CRYGN: variants seen among roughly 807,000 people sequenced by gnomAD.
CRYGN encodes the protein gamma-crystallin N.
CRYGN carries 17 observed loss-of-function variants against 19.2 expected under a neutral mutation model. The ratio of observed to expected loss-of-function variants is 0.89; its 90% CI spans 0.61 to 1.33. CRYGN has a LOEUF of 1.33. Among genes scored for constraint, CRYGN ranks in the 40% most tolerant of loss-of-function variants. The probability of loss-of-function intolerance (pLI) is 0.00; values close to 1 mark genes in which losing one functional copy is unlikely to be tolerated. For missense variants in CRYGN, 239 were observed against 239.6 expected, an observed-to-expected ratio of 1.00 and a Z score of 0.02; for synonymous variants, 84 against 85.8, an observed-to-expected ratio of 0.98 and a Z score of 0.12.
Position 151,439,908 on chromosome 7 carries a change from G to T in CRYGN, c.10C>A (p.Arg4Ser). 1 of 1,551,634 alleles carries T rather than the reference G, an allele frequency of 6.4e-7. No individual in the cohort carries two copies. The highest frequency in any genetic ancestry group is 8.7e-7 in the Non-Finnish European group (1 of 1,150,276). The stretch of plus-strand genomic sequence containing the variant: ...AGGGACGCACTCACCTTCCCCGAGC[G>T]CTGCGCCATGGTGCGCCCCGCCCCT... MAQRSGKITLYEGK... is the reference protein window; with the variant it reads MAQSSGKITLYEGK... Residue 4 changes from arginine (R) to serine (S), a missense_variant, in exon 1 of 4, where the codon CGC becomes AGC. Physicochemically the swap from Arg to Ser is moderately radical, Grantham distance 110 (BLOSUM62 -1). Coordinates refer to ENST00000337323, the MANE Select transcript of CRYGN (RefSeq NM_144727.3).
intron 2 of CRYGN, 198 bp downstream of exon 2, chr7:151,437,798 T>A (rs1281374656): frequency 1.4e-6 from 2 of 1,451,522 alleles, no homozygotes; most frequent in Non-Finnish European, 1.8e-6. Flanking sequence ...TCAGGGCCAC[T>A]CCCACTCAGT....
At chr7:151,439,772 A>T in intron 1 of CRYGN, 125 bp downstream of exon 1, 1 of 1,084,190 alleles carries the variant, frequency 9.2e-7, no homozygotes. Flanking sequence ...CCATTTTATT[A>T]AGAAATTAAA....
Position 151,436,360 on chromosome 7 carries a change from G to T in CRYGN, c.271-35C>A. ...CAAGCAAAAAAGAAGGAAAGAAGGA[G>T]GTTGCTGTGAATTCCCCTCTCCCAG... is the stretch of plus-strand genomic sequence containing the variant. On this transcript the variant is annotated intron_variant, in intron 2 of 3. Transcript: ENST00000337323. This position sits in a 1 kb window ranked among gnomAD's most constrained non-coding sequence, Gnocchi z 5.1. 7.2e-7 allele frequency: 1 copy of T among 1,397,378 alleles called. No homozygotes were observed. The allele number at this position is 1,397,378 out of a possible 1,614,324, so 86.6% of individuals were successfully genotyped here. A position where few individuals can be genotyped will look rare whatever the true frequency, so the allele number is the denominator to read the frequency against.
In CRYGN at chr7:151,439,986, C is replaced by G. The variant is rs745387478; in HGVS notation, c.-69G>C. ...GCGCCCTGCTGGCTCAGCGCCGCCC[C>G]GGACAAAAGATTTGCTGGGCCGGCC... On this transcript the variant is annotated 5_prime_UTR_variant, in exon 1 of 4. Transcript: ENST00000337323. 4.1e-5 allele frequency: 60 copies of G among 1,446,816 alleles called. No homozygotes were observed. Among genetic ancestry groups the G allele is most frequent in the Non-Finnish European group, 5.1e-5 (56 of 1,096,178 alleles). The allele number at this position is 1,446,816 out of a possible 1,614,324, so 89.6% of individuals were successfully genotyped here.
chr7:151,432,379 C>T (rs1584822445), intron 3 of CRYGN: 2 of 704,212 alleles, frequency 2.8e-6, no homozygotes, highest in Admixed American at 4.3e-5. Context: ...CCAGCAACCC[C>T]TCCCGGTCGA....
chr7:151,433,919 C>T lies in CRYGN; in HGVS notation c.416+2261G>A, dbSNP rs527911463. ...CAGGTGAGGGTAGGTGGAGGCAGAACGCCAGTGCATTTCCCTCCGAGAGCC... is the reference window on the plus strand; with the variant it reads ...CAGGTGAGGGTAGGTGGAGGCAGAATGCCAGTGCATTTCCCTCCGAGAGCC... On this transcript the variant is annotated intron_variant, in intron 3 of 3. Coordinates refer to ENST00000337323, the MANE Select transcript of CRYGN (RefSeq NM_144727.3). The surrounding 1 kb of genome is among the most constrained non-coding windows in gnomAD (Gnocchi z 5.1). Among the ~76,000 whole-genome samples, 34 of 152,218 alleles carry T rather than the reference C, an allele frequency of 2.2e-4. No individual in the cohort carries two copies. The highest frequency in any genetic ancestry group is 6.5e-4 in the African/African-American group (27 of 41,540).
At position 151,437,991 on chromosome 7, in the gene CRYGN, C is replaced by G. The variant is rs990678007; in HGVS notation, c.270+5G>C. 1.9e-6 allele frequency: 3 copies of G among 1,612,478 alleles called. No individual in the cohort carries two copies. In the Admixed American group the frequency reaches 5.0e-5, roughly 27 times the overall value. On this transcript the variant is annotated splice_donor_5th_base_variant and intron_variant, in intron 2 of 3. Transcript: ENST00000337323. ...ACTCAGCCTTCGGTGGACGGGCCCA[C>G]TCACCATTCCTACAGGCCGACAGGA...
rs1297681225 is a variant in CRYGN, at chr7:151,436,580, A to T, written c.271-255T>A. Among the ~76,000 whole-genome samples, 1 of 152,148 alleles carries T rather than the reference A, an allele frequency of 6.6e-6. No individual in the cohort carries two copies. The highest frequency in any genetic ancestry group is 6.5e-5 in the Admixed American group (1 of 15,282). Reference sequence around the variant, plus strand: ...CCTCTTTCTACAACTAGAAAATCTGAGGTCCAAAGAGGGCCAAACTGACCA... The same window carrying T: ...CCTCTTTCTACAACTAGAAAATCTGTGGTCCAAAGAGGGCCAAACTGACCA... On this transcript the variant is annotated intron_variant, in intron 2 of 3. Transcript: ENST00000337323. The surrounding 1 kb of genome is among the most constrained non-coding windows in gnomAD (Gnocchi z 5.1).
Position 151,433,264 on chromosome 7 carries a change from C to T in CRYGN, c.416+2916G>A, listed in dbSNP as rs988157743. Among the ~76,000 whole-genome samples, 2 of 152,208 alleles carry T rather than the reference C, an allele frequency of 1.3e-5. No homozygotes were observed. Among genetic ancestry groups the T allele is most frequent in the South Asian group, 2.1e-4 (1 of 4,826 alleles). On this transcript the variant is annotated intron_variant, in intron 3 of 3. Transcript: ENST00000337323. The surrounding 1 kb of genome is among the most constrained non-coding windows in gnomAD (Gnocchi z 5.1). The stretch of plus-strand genomic sequence containing the variant: ...TTCATCACCCAGGAAGCTGTGGGCC[C>T]GGCCCAGAAAAGCAGGAAGGTGCGG...
intron 3 of CRYGN, among the ~76,000 whole-genome samples, chr7:151,434,506 A>G (rs2150907163): frequency 6.6e-6 from 1 of 152,340 alleles, no homozygotes; most frequent in East Asian, 1.9e-4. Flanking sequence ...GGAGCCAGCT[A>G]GAGTGACAGA....
rs571388642 is a variant in CRYGN, at chr7:151,435,172, G to A, written c.416+1008C>T. ...GGCCTTGAACCTCTGTAGTATAGAC[G>A]GCAAATTGTTCCTCAATTGCTTCGA... On this transcript the variant is annotated intron_variant, in intron 3 of 3. Transcript: ENST00000337323. This position sits in a 1 kb window ranked among gnomAD's most constrained non-coding sequence, Gnocchi z 4.2. Among the ~76,000 whole-genome samples, 7 of 152,248 alleles carry A rather than the reference G, an allele frequency of 4.6e-5. No individual in the cohort carries two copies. Among genetic ancestry groups the A allele is most frequent in the African/African-American group, 1.2e-4 (5 of 41,522 alleles).
At position 151,430,002 on chromosome 7, in the gene CRYGN, G is replaced by T; in HGVS notation, c.*46C>A. 1.2e-6 allele frequency: 1 copy of T among 808,996 alleles called. No homozygotes were observed. Among genetic ancestry groups the T allele is most frequent in the Non-Finnish European group, 2.3e-6 (1 of 444,230 alleles). 50.1% of individuals were successfully genotyped at this position (808,996 alleles called of 1,614,324 possible). On this transcript the variant is annotated 3_prime_UTR_variant, in exon 4 of 4. Coordinates refer to ENST00000337323, the MANE Select transcript of CRYGN (RefSeq NM_144727.3). The surrounding 1 kb of genome is among the most constrained non-coding windows in gnomAD (Gnocchi z 5.2). ...ATGATTTTAAGTAAACACTCTCCCG[G>T]CTCAGAAACGGTGCAGGTGCATTTA...
In CRYGN at chr7:151,431,627, C is replaced by T. The variant is rs560903619; in HGVS notation, c.417-1447G>A. Among the ~76,000 whole-genome samples the T allele has an allele frequency of 6.6e-6, 1 of 152,182 alleles. No homozygotes were observed. Among genetic ancestry groups the T allele is most frequent in the East Asian group, 1.9e-4 (1 of 5,186 alleles). On this transcript the variant is annotated intron_variant, in intron 3 of 3. Coordinates refer to ENST00000337323, the MANE Select transcript of CRYGN (RefSeq NM_144727.3). The surrounding 1 kb of genome is among the most constrained non-coding windows in gnomAD (Gnocchi z 4.8). ...AGCCCACCTGTTCAAGCTAAGCCCCCACCCTGACACTCACCACCACTAACT... is the reference window on the plus strand; with the variant it reads ...AGCCCACCTGTTCAAGCTAAGCCCCTACCCTGACACTCACCACCACTAACT...
chr7:151,437,255 G>A (rs1222850167), intron 2 of CRYGN, among the ~76,000 whole-genome samples: 2 of 152,170 alleles, frequency 1.3e-5, no homozygotes, highest in South Asian at 4.1e-4. Context: ...CCAGGCGTCG[G>A]GGGAGGGTCC....
Position 151,435,136 on chromosome 7 carries a change from C to T in CRYGN, c.416+1044G>A, listed in dbSNP as rs929310626. ...GTCCCTCTGCCCCCTGCATCCCCTC[C>T]GAAGCTCCCTGGCCTTGAACCTCTG... is the stretch of plus-strand genomic sequence containing the variant. On this transcript the variant is annotated intron_variant, in intron 3 of 3. Coordinates refer to ENST00000337323, the MANE Select transcript of CRYGN (RefSeq NM_144727.3). The surrounding 1 kb of genome is among the most constrained non-coding windows in gnomAD (Gnocchi z 4.2). Among the ~76,000 whole-genome samples, 2 of 152,152 alleles carry T rather than the reference C, an allele frequency of 1.3e-5. No homozygotes were observed. Among genetic ancestry groups the T allele is most frequent in the Non-Finnish European group, 2.9e-5 (2 of 67,982 alleles).
Position 151,440,116 on chromosome 7 carries a change from G to A in CRYGN, c.-199C>T. ...ACCGCGAGTGCAGCCCGCCCTGCCC[G>A]GGGTCTCCCTGTGCTCTCCGCGTTT... On this transcript the variant is annotated 5_prime_UTR_variant, in exon 1 of 4. Transcript: ENST00000337323. The A allele has an allele frequency of 5.2e-6, 7 of 1,358,928 alleles. No homozygotes were observed. The highest frequency in any genetic ancestry group is 1.8e-5 in the South Asian group (1 of 55,448). The allele number at this position is 1,358,928 out of a possible 1,614,324, so 84.2% of individuals were successfully genotyped here. A position where few individuals can be genotyped will look rare whatever the true frequency, so the allele number is the denominator to read the frequency against.
At chr7:151,439,761 C>T (rs1046522701) in intron 1 of CRYGN, 136 bp downstream of exon 1, 7 of 980,248 alleles carry the variant, frequency 7.1e-6, no homozygotes, top group South Asian at 1.9e-5. Context: ...GCGAGGCCAC[C>T]CCATTTTATT....
Position 151,439,971 on chromosome 7 carries a change from G to A in CRYGN, c.-54C>T. ...CGTTTACACCGGGCAGCGCCCTGCT[G>A]GCTCAGCGCCGCCCCGGACAAAAGA... is the stretch of plus-strand genomic sequence containing the variant. On this transcript the variant is annotated 5_prime_UTR_variant, in exon 1 of 4. Transcript: ENST00000337323. 6.7e-7 allele frequency: 1 copy of A among 1,483,230 alleles called. No homozygotes were observed. The allele number at this position is 1,483,230 out of a possible 1,614,324, so 91.9% of individuals were successfully genotyped here. A position where few individuals can be genotyped will look rare whatever the true frequency, so the allele number is the denominator to read the frequency against.
In CRYGN at chr7:151,429,995, T is replaced by G; in HGVS notation, c.*53A>C. On this transcript the variant is annotated 3_prime_UTR_variant, in exon 4 of 4. Coordinates refer to ENST00000337323, the MANE Select transcript of CRYGN (RefSeq NM_144727.3). ...TGAGGGCATGATTTTAAGTAAACAC[T>G]CTCCCGGCTCAGAAACGGTGCAGGT... The G allele has an allele frequency of 1.2e-6, 1 of 801,532 alleles. No homozygotes were observed. The highest frequency in any genetic ancestry group is 2.4e-5 in the East Asian group (1 of 41,298). 49.7% of individuals were successfully genotyped at this position (801,532 alleles called of 1,614,324 possible). A position where few individuals can be genotyped will look rare whatever the true frequency, so the allele number is the denominator to read the frequency against.
Sources: gnomAD v4.1 joint callset for allele counts (sites outside exome capture counted in the v4.1 genomes callset) on GRCh38, gnomAD v4.1.1 for gene constraint, Gnocchi (gnomAD v3.1) non-coding constraint, MANE v1.5 for transcripts, NCBI Gene and HGNC (gene_info 2026-07-23, HGNC 2026-07-21) for gene names.